The following RSPO4 variants were observed in gnomAD, a reference collection of about 807,000 sequenced individuals.
The protein encoded by RSPO4 is R-spondin-4.
RSPO4 carries 23 observed loss-of-function variants against 24.8 expected under a neutral mutation model. That is an observed-to-expected ratio of 0.93 (90% CI 0.67 to 1.31). The LOEUF (loss-of-function observed/expected upper bound fraction) is 1.31, where lower values mean the gene tolerates loss of function less well. Ranked by LOEUF, RSPO4 falls within the 40% of genes most tolerant of loss-of-function variation. RSPO4 has a pLI of 0.00. For synonymous variants in RSPO4, 141 were observed against 127.4 expected (o/e 1.11, Z -0.72); for missense variants, 333 against 316.5 (o/e 1.05, Z -0.39).
intron 1 of RSPO4, among the ~76,000 whole-genome samples, chr20:969,122 C>T (rs941098313): frequency 3.0e-4 from 45 of 152,162 alleles, no homozygotes; most frequent in Admixed American, 3.3e-4. Flanking sequence ...TTGAGACCAG[C>T]CTGGACAATA....
rs1983942425 is a variant in RSPO4, at chr20:960,257, A to G, written c.*100T>C. 1.3e-6 allele frequency: 1 copy of G among 745,200 alleles called. No individual in the cohort carries two copies. The highest frequency in any genetic ancestry group is 2.3e-6 in the Non-Finnish European group (1 of 429,564). 46.2% of individuals were successfully genotyped at this position (745,200 alleles called of 1,614,324 possible). A position where few individuals can be genotyped will look rare whatever the true frequency, so the allele number is the denominator to read the frequency against. ...GTGGAAAGAAAGAGAGGACAAATGG[A>G]GAAGACAGAGGAGAAAGAGTAAGAG... On this transcript the variant is annotated 3_prime_UTR_variant, in exon 5 of 5. Transcript: ENST00000217260.
intron 1 of RSPO4, among the ~76,000 whole-genome samples, chr20:969,788 A>T (rs889637185): frequency 2.0e-5 from 3 of 152,172 alleles, no homozygotes; most frequent in Admixed American, 1.3e-4. Flanking sequence ...ACCAGGTGTC[A>T]CTAAGTGACA....
intron 1 of RSPO4, among the ~76,000 whole-genome samples, chr20:997,908 C>T (rs535645757): frequency 6.6e-5 from 10 of 152,322 alleles, no homozygotes; most frequent in East Asian, 1.9e-4. Context: ...CACTCCCTTC[C>T]GGTCCAGGGC....
At chr20:965,690 G>T (rs1214097703) in intron 3 of RSPO4, among the ~76,000 whole-genome samples, 4 of 152,188 alleles carry the variant, frequency 2.6e-5, no homozygotes, top group African/African-American at 9.6e-5. Flanking sequence ...TGGGGAGAAA[G>T]GGATGAGCTG....
intron 3 of RSPO4, among the ~76,000 whole-genome samples, chr20:965,470 C>T (rs910666857): frequency 6.6e-6 from 1 of 152,204 alleles, no homozygotes; most frequent in Non-Finnish European, 1.5e-5. Context: ...CGCCCAAGGG[C>T]AGTGGGAGCC....
chr20:975,109 A>C (rs1177111052), intron 1 of RSPO4, among the ~76,000 whole-genome samples: 2 of 152,268 alleles, frequency 1.3e-5, no homozygotes, highest in Non-Finnish European at 2.9e-5. Context: ...AAATTACAAT[A>C]AAAATGGATG....
At chr20:963,229 C>G (rs1376272168) in intron 4 of RSPO4, among the ~76,000 whole-genome samples, 1 of 152,194 alleles carries the variant, frequency 6.6e-6, no homozygotes, top group Non-Finnish European at 1.5e-5. Flanking sequence ...CCATCCAGTT[C>G]TCTCACATCG....
intron 1 of RSPO4, among the ~76,000 whole-genome samples, chr20:992,263 CTT>C (rs35286852): frequency 1.1e-4 from 14 of 123,468 alleles, no homozygotes; most frequent in South Asian, 2.6e-4. Flanking sequence ...GGTCCACTTT[CTT>C]TTTTTTTTTT....
At chr20:997,637 C>T (rs1307442417) in intron 1 of RSPO4, among the ~76,000 whole-genome samples, 2 of 152,186 alleles carry the variant, frequency 1.3e-5, no homozygotes, top group African/African-American at 4.8e-5. Context: ...ATACTTTGTT[C>T]GTGCCCAGCG....
chr20:977,769 T>C (rs1349702474), intron 1 of RSPO4, among the ~76,000 whole-genome samples: 1 of 152,012 alleles, frequency 6.6e-6, no homozygotes, highest in Admixed American at 6.6e-5. Flanking sequence ...AAGACACCAC[T>C]GCCCCTGCTG....
At chr20:995,524 C>T (rs1294608186) in intron 1 of RSPO4, among the ~76,000 whole-genome samples, 12 of 151,540 alleles carry the variant, frequency 7.9e-5, no homozygotes, top group African/African-American at 2.7e-4. Flanking sequence ...TTTAGGGCCC[C>T]GACACATCAT....
chr20:965,524 T>C (rs1984165622), intron 3 of RSPO4, among the ~76,000 whole-genome samples: 1 of 152,128 alleles, frequency 6.6e-6, no homozygotes, highest in East Asian at 1.9e-4. Flanking sequence ...AGACTATCAT[T>C]GTGAAATACT....
chr20:985,026 CCAACCCATCTAT>C lies in RSPO4; in HGVS notation c.80-16900_80-16889del, dbSNP rs1332112335. Among the ~76,000 whole-genome samples the C allele has an allele frequency of 1.0e-4, 10 of 96,170 alleles. 1 individual carries two copies. The highest frequency in any genetic ancestry group is 5.1e-4 in the African/African-American group (7 of 13,598). 63.1% of individuals were successfully genotyped at this position (96,170 alleles called of 152,430 possible). On this transcript the variant is annotated intron_variant, in intron 1 of 4. Transcript: ENST00000217260. ...ATCCATCCACCCATCCATCCATCCACCAACCCATCTATCCATCCAATCACCCACCCATCTATC... is the reference window on the plus strand; with the variant it reads ...ATCCATCCACCCATCCATCCATCCACCCATCCAATCACCCACCCATCTATC...
At chr20:1,000,311 C>T (rs111526035) in intron 1 of RSPO4, among the ~76,000 whole-genome samples, 49 of 152,308 alleles carry the variant, frequency 3.2e-4, no homozygotes, top group Middle Eastern at 3.4e-3. Context: ...CGACCTTGGA[C>T]AAGTCAGTTT....
At chr20:985,028 A>C (rs962446734) in intron 1 of RSPO4, among the ~76,000 whole-genome samples, 102 of 36,548 alleles carry the variant, frequency 2.8e-3, no homozygotes, top group Admixed American at 4.2e-3. Context: ...TCCATCCACC[A>C]ACCCATCTAT....
chr20:1,001,909 G>A (rs984139607), intron 1 of RSPO4, among the ~76,000 whole-genome samples, 177 bp downstream of exon 1: 1 of 152,142 alleles, frequency 6.6e-6, no homozygotes, highest in African/African-American at 2.4e-5. Flanking sequence ...CGCTCACTGG[G>A]TGCCCTGGAG....
At position 959,288 on chromosome 20, in the gene RSPO4, T is replaced by C. The variant is rs1334706505; in HGVS notation, c.*1069A>G. On this transcript the variant is annotated 3_prime_UTR_variant, in exon 5 of 5. Transcript: ENST00000217260. Reference sequence around the variant, plus strand: ...CCCACAATTCCCTACATTTCCCCCCTCAAGTGACCCCCAAATTCTCCTCTC... The same window carrying C: ...CCCACAATTCCCTACATTTCCCCCCCCAAGTGACCCCCAAATTCTCCTCTC... 1 of 152,160 alleles carries C rather than the reference T, an allele frequency of 6.6e-6. No homozygotes were observed. The allele number at this position is 152,160 out of a possible 1,614,324, so 9.4% of individuals were successfully genotyped here.
At chr20:1,000,710 G>A (rs1194389065) in intron 1 of RSPO4, among the ~76,000 whole-genome samples, 1 of 152,214 alleles carries the variant, frequency 6.6e-6, no homozygotes, top group African/African-American at 2.4e-5. Context: ...CCTGGCTCCA[G>A]AGCCCATGCC....
Position 970,632 on chromosome 20 carries a change from G to A in RSPO4, c.80-2494C>T, listed in dbSNP as rs1714724314. The stretch of plus-strand genomic sequence containing the variant: ...GTTGTAAGGGAGATTCCCAGAGCCA[G>A]AGAAATAAGAACATCCACTGAGAAT... On this transcript the variant is annotated intron_variant, in intron 1 of 4. Coordinates refer to ENST00000217260, the MANE Select transcript of RSPO4 (RefSeq NM_001029871.4). The surrounding 1 kb of genome is among the most constrained non-coding windows in gnomAD (Gnocchi z 4.1). Among the ~76,000 whole-genome samples the A allele has an allele frequency of 6.6e-6, 1 of 152,148 alleles. No individual in the cohort carries two copies. Among genetic ancestry groups the A allele is most frequent in the African/African-American group, 2.4e-5 (1 of 41,420 alleles).
Sources: allele counts gnomAD v4.1 joint callset (sites outside exome capture counted in the v4.1 genomes callset), GRCh38; gene constraint gnomAD v4.1.1; non-coding constraint Gnocchi (gnomAD v3.1); transcripts MANE v1.5; gene names NCBI Gene and HGNC (gene_info 2026-07-23, HGNC 2026-07-21).